Variants in GABPA observed in about 807,000 individuals in gnomAD.
GABPA encodes GA-binding protein alpha chain.
Under a neutral mutation model 59.4 loss-of-function variants are expected in GABPA, and 4 were observed. The observed-to-expected ratio is 0.07, with a 90% CI of 0.03 to 0.15. GABPA has a LOEUF of 0.15. GABPA is among the 10% of genes least tolerant of loss of function. GABPA has a pLI of 1.00. For missense variants in GABPA, 251 were observed against 543.8 expected, an observed-to-expected ratio of 0.46 and a Z score of 5.36; for synonymous variants, 164 against 183.1, an observed-to-expected ratio of 0.90 and a Z score of 0.84.
intron 5 of GABPA, among the ~76,000 whole-genome samples, chr21:25,756,953 T>C (rs1317962826): frequency 6.6e-6 from 1 of 152,228 alleles, no homozygotes; most frequent in African/African-American, 2.4e-5. Flanking sequence ...AATGCTTGCT[T>C]TTGCCTTTTG....
At chr21:25,760,414 T>A (rs2035737008) in intron 6 of GABPA, among the ~76,000 whole-genome samples, 1 of 152,150 alleles carries the variant, frequency 6.6e-6, no homozygotes, top group Non-Finnish European at 1.5e-5. Context: ...CTATTATCCA[T>A]CCTCAGTGAT....
intron 5 of GABPA, among the ~76,000 whole-genome samples, chr21:25,755,563 C>T (rs2035616317): frequency 6.6e-6 from 1 of 151,520 alleles, no homozygotes; most frequent in African/African-American, 2.4e-5. Context: ...TATGTGAATA[C>T]TGTGTTGTGG....
intron 6 of GABPA, among the ~76,000 whole-genome samples, chr21:25,758,927 G>A (rs958261048): frequency 7.2e-5 from 11 of 152,052 alleles, no homozygotes; most frequent in East Asian, 1.9e-4. Flanking sequence ...AAAAATAGGC[G>A]GACAAGGTGG....
chr21:25,737,220 G>A (rs984930371), intron 1 of GABPA, among the ~76,000 whole-genome samples: 2 of 152,206 alleles, frequency 1.3e-5, no homozygotes, highest in Non-Finnish European at 2.9e-5. Flanking sequence ...TGCAGTTCTG[G>A]CGGGGGCAGC....
intron 5 of GABPA, among the ~76,000 whole-genome samples, chr21:25,755,428 TGTC>T (rs1568947295): frequency 8.0e-6 from 1 of 125,354 alleles, no homozygotes. Flanking sequence ...AAAGCAAGAC[TGTC>T]TAAAAAAAAA....
chr21:25,751,589 A>G (rs2035514279), intron 4 of GABPA, among the ~76,000 whole-genome samples: 1 of 151,988 alleles, frequency 6.6e-6, no homozygotes, highest in Non-Finnish European at 1.5e-5. Context: ...TAATTTGCTT[A>G]GAAGGATTTT....
At chr21:25,739,593 C>T (rs1212342723) in intron 1 of GABPA, among the ~76,000 whole-genome samples, 1 of 152,152 alleles carries the variant, frequency 6.6e-6, no homozygotes, top group African/African-American at 2.4e-5. Flanking sequence ...CCAATTTCCT[C>T]TTCTACTTTT....
intron 6 of GABPA, 119 bp downstream of exon 6, chr21:25,758,323 CATTT>C (rs982681302): frequency 4.7e-5 from 33 of 697,480 alleles, no homozygotes; most frequent in South Asian, 8.5e-5. Context: ...TAATAATTAA[CATTT>C]ATTTACTGTA....
chr21:25,756,522 C>G (rs2040535620), intron 5 of GABPA, among the ~76,000 whole-genome samples: 1 of 152,198 alleles, frequency 6.6e-6, no homozygotes, highest in African/African-American at 2.4e-5. Flanking sequence ...TCTTAACACA[C>G]ACTGCAGCTA....
At chr21:25,747,889 G>A (rs775222821) in intron 3 of GABPA, among the ~76,000 whole-genome samples, 13 of 152,040 alleles carry the variant, frequency 8.6e-5, no homozygotes, top group Non-Finnish European at 1.6e-4. Flanking sequence ...TAATCTATCT[G>A]TCTACAAGGT....
Position 25,755,531 on chromosome 21 carries a change from G to T in GABPA, c.554-2479G>T, listed in dbSNP as rs910759736. Among the ~76,000 whole-genome samples, 3 of 152,034 alleles carry T rather than the reference G, an allele frequency of 2.0e-5. 1 individual carries two copies. In the South Asian group the frequency reaches 6.2e-4, roughly 32 times the overall value. On this transcript the variant is annotated intron_variant, in intron 5 of 9. Coordinates refer to ENST00000400075, the MANE Select transcript of GABPA (RefSeq NM_002040.4). ...TACCTGTCAGCAGTAGAAGATAGGGGTGAGCATTTGGGGTAGGTGTGTATG... is the reference window on the plus strand; with the variant it reads ...TACCTGTCAGCAGTAGAAGATAGGGTTGAGCATTTGGGGTAGGTGTGTATG...
chr21:25,767,665 AT>A (rs1372245971), intron 9 of GABPA, among the ~76,000 whole-genome samples: 1 of 151,886 alleles, frequency 6.6e-6, no homozygotes, highest in Non-Finnish European at 1.5e-5. Context: ...TAATGTAGAA[AT>A]TTTTTAAAGC....
In GABPA at chr21:25,751,025, T is replaced by C. The variant is rs71649695; in HGVS notation, c.308-964T>C. ...TGTGCTTTTTCTTTAAGCTGTACTT[T>C]GATTGAATTTTGATATAGATTGTAA... On this transcript the variant is annotated intron_variant, in intron 4 of 9. Coordinates refer to ENST00000400075, the MANE Select transcript of GABPA (RefSeq NM_002040.4). Among the ~76,000 whole-genome samples, 188 of 152,282 alleles carry C rather than the reference T, an allele frequency of 1.2e-3. 1 individual carries two copies. Among genetic ancestry groups the C allele is most frequent in the African/African-American group, 4.3e-3 (179 of 41,576 alleles).
At chr21:25,737,839 T>C (rs933184976) in intron 1 of GABPA, among the ~76,000 whole-genome samples, 2 of 152,268 alleles carry the variant, frequency 1.3e-5, no homozygotes, top group Non-Finnish European at 2.9e-5. Flanking sequence ...TTCTCACTTT[T>C]TTCTGTAGAC....
At position 25,771,313 on chromosome 21, in the gene GABPA, T is replaced by C. The variant is rs1025086205; in HGVS notation, c.*2081T>C. 32 of 150,422 alleles carry C rather than the reference T, an allele frequency of 2.1e-4. No homozygotes were observed. Among genetic ancestry groups the C allele is most frequent in the Admixed American group, 2.7e-4 (4 of 14,982 alleles). The allele number at this position is 150,422 out of a possible 1,614,324, so 9.3% of individuals were successfully genotyped here. On this transcript the variant is annotated 3_prime_UTR_variant, in exon 10 of 10. Transcript: ENST00000400075. ...TACTTTTAGATCCCTAGAATGAAAA[T>C]TTTTTTCTCATCTATGCAATTCCCA...
intron 5 of GABPA, among the ~76,000 whole-genome samples, chr21:25,753,212 G>A (rs566136008): frequency 2.3e-4 from 35 of 152,236 alleles, no homozygotes; most frequent in African/African-American, 7.9e-4. Flanking sequence ...TATAGGAAAT[G>A]TTTTTTTCAA....
intron 3 of GABPA, 93 bp downstream of exon 3, chr21:25,745,447 C>A: frequency 6.7e-6 from 8 of 1,187,746 alleles, no homozygotes; most frequent in Non-Finnish European, 9.5e-6. Context: ...TAGACTTTAT[C>A]TCTGTAAGAA....
chr21:25,747,998 C>T (rs569510279), intron 3 of GABPA, among the ~76,000 whole-genome samples: 1 of 152,238 alleles, frequency 6.6e-6, no homozygotes, highest in East Asian at 1.9e-4. Flanking sequence ...CGTCCGCCTA[C>T]CGGGTCTAAG....
In GABPA at chr21:25,772,077, G is replaced by T. The variant is rs2036019941; in HGVS notation, c.*2845G>T. ...TTTTCCATATTCATTTTATGCTACTGCCTTTAAGAAAGAACTAGTGTATCC... is the reference window on the plus strand; with the variant it reads ...TTTTCCATATTCATTTTATGCTACTTCCTTTAAGAAAGAACTAGTGTATCC... On this transcript the variant is annotated 3_prime_UTR_variant, in exon 10 of 10. Coordinates refer to ENST00000400075, the MANE Select transcript of GABPA (RefSeq NM_002040.4). 6.6e-6 allele frequency: 1 copy of T among 152,026 alleles called. No individual in the cohort carries two copies. The highest frequency in any genetic ancestry group is 1.5e-5 in the Non-Finnish European group (1 of 67,902). The allele number at this position is 152,026 out of a possible 1,614,324, so 9.4% of individuals were successfully genotyped here. A position where few individuals can be genotyped will look rare whatever the true frequency, so the allele number is the denominator to read the frequency against.
Sources: allele counts gnomAD v4.1 joint callset (sites outside exome capture counted in the v4.1 genomes callset), GRCh38; gene constraint gnomAD v4.1.1; transcripts MANE v1.5; gene names NCBI Gene and HGNC (gene_info 2026-07-23, HGNC 2026-07-21).